The following USP5 variants were observed in gnomAD, a reference collection of about 807,000 sequenced individuals.
USP5 encodes the protein ubiquitin specific peptidase 5.
In USP5, 24 loss-of-function variants were observed where a neutral mutation model predicts 102.5. The observed-to-expected ratio is 0.23, with a 90% confidence interval of 0.17 to 0.33. USP5 has a LOEUF of 0.33. Ranked by LOEUF, USP5 falls within the 10% of genes least tolerant of loss-of-function variation. USP5 has a pLI of 1.00. For synonymous variants in USP5, 460 were observed against 434.8 expected, an observed-to-expected ratio of 1.06 and a Z score of -0.72; for missense variants, 753 against 1,122.1, an observed-to-expected ratio of 0.67 and a Z score of 4.70.
In USP5 at chr12:6,860,630, C is replaced by T. The variant is rs2138057490; in HGVS notation, c.1344+139C>T. 1.4e-6 allele frequency: 2 copies of T among 1,431,704 alleles called. No individual in the cohort carries two copies. Among genetic ancestry groups the T allele is most frequent in the East Asian group, 2.3e-5 (1 of 43,014 alleles). The allele number at this position is 1,431,704 out of a possible 1,614,324, so 88.7% of individuals were successfully genotyped here. On this transcript the variant is annotated intron_variant, in intron 11 of 19. Coordinates refer to ENST00000229268, the MANE Select transcript of USP5 (RefSeq NM_001098536.2). The surrounding 1 kb of genome is among the most constrained non-coding windows in gnomAD (Gnocchi z 5.5). ...TCTGTGTCCCTGTGAACAGTGCTTG[C>T]ACCTGAGGAGGACAGTGAAGGTGAT... is the stretch of plus-strand genomic sequence containing the variant.
intron 7 of USP5, among the ~76,000 whole-genome samples, chr12:6,857,937 G>A (rs1944168369): frequency 1.3e-5 from 2 of 152,176 alleles, no homozygotes; most frequent in African/African-American, 2.4e-5. Context: ...AGACAGATGT[G>A]GTTTTTGCTT....
rs1256756399 is a variant in USP5, at chr12:6,856,028, G to A, written c.316G>A (p.Gly106Arg). ...PTRLAIGVEGGFDLSEEKFEL... is the reference protein window; with the variant it reads ...PTRLAIGVEGRFDLSEEKFEL... ...CCCTATCCTTCCAGGTGTTGAAGGC[G>A]GATTTGACCTTAGCGAGGAGAAGTT... Residue 106 changes from glycine to arginine, a missense_variant, in exon 4 of 20, where the codon GGA (glycine) becomes AGA (arginine). Physicochemically the swap from Gly to Arg is moderately radical, Grantham distance 125 (BLOSUM62 -2). Transcript: ENST00000229268. The surrounding 1 kb of genome is among the most constrained non-coding windows in gnomAD (Gnocchi z 5.6). 4 of 1,614,036 alleles carry A rather than the reference G, an allele frequency of 2.5e-6. No homozygotes were observed. The highest frequency in any genetic ancestry group is 3.4e-6 in the Non-Finnish European group (4 of 1,180,038).
rs915363167 is a variant in USP5 at position 6,855,370 on chromosome 12, C to T, written c.112-31C>T. 1.9e-6 allele frequency: 3 copies of T among 1,610,840 alleles called. No individual in the cohort carries two copies. The highest frequency in any genetic ancestry group is 2.5e-6 in the Non-Finnish European group (3 of 1,178,858). On this transcript the variant is annotated intron_variant, in intron 1 of 19. Transcript: ENST00000229268. The surrounding 1 kb of genome is among the most constrained non-coding windows in gnomAD (Gnocchi z 4.6). ...ACCTGACCAGGCTTCATAACATCCT[C>T]GTGTTTTCACCCTTACCTCTTGTCC... is the stretch of plus-strand genomic sequence containing the variant.
chr12:6,865,145 C>T lies in USP5; in HGVS notation c.2399-19C>T, dbSNP rs782056306. The T allele has an allele frequency of 5.6e-6, 9 of 1,597,418 alleles. No individual in the cohort carries two copies. The South Asian group carries it at 9.9e-5, about 18-fold the overall frequency. ...TTCCTCTTCTGTTTCCTTCTCTGAC[C>T]CCCTCTCTCCTTTCCTAGAGTATCA... On this transcript the variant is annotated intron_variant, in intron 18 of 19. Transcript: ENST00000229268.
rs1199146900 is a variant in USP5 at position 6,866,259 on chromosome 12, T to C, written c.*182T>C. On this transcript the variant is annotated 3_prime_UTR_variant, in exon 20 of 20. Transcript: ENST00000229268. This position sits in a 1 kb window ranked among gnomAD's most constrained non-coding sequence, Gnocchi z 4.7. ...GCAGAGCAGAGGGGCAGCGATAGACTCTGGGGATGGAGCAGGACGGGGACG... is the reference window on the plus strand; with the variant it reads ...GCAGAGCAGAGGGGCAGCGATAGACCCTGGGGATGGAGCAGGACGGGGACG... 1 of 608,192 alleles carries C rather than the reference T, an allele frequency of 1.6e-6. No individual in the cohort carries two copies. Among genetic ancestry groups the C allele is most frequent in the Non-Finnish European group, 2.9e-6 (1 of 345,508 alleles). The allele number at this position is 608,192 out of a possible 1,614,324, so 37.7% of individuals were successfully genotyped here. A position where few individuals can be genotyped will look rare whatever the true frequency, so the allele number is the denominator to read the frequency against.
At chr12:6,854,811 C>T (rs919563730) in intron 1 of USP5, among the ~76,000 whole-genome samples, 1 of 151,652 alleles carries the variant, frequency 6.6e-6, no homozygotes, top group Non-Finnish European at 1.5e-5. Context: ...CTGGCACACT[C>T]GGGTCAGATA....
rs1944099767 is a variant in USP5, at chr12:6,856,004, C to T, written c.305-13C>T. On this transcript the variant is annotated splice_polypyrimidine_tract_variant and intron_variant, in intron 3 of 19. Coordinates refer to ENST00000229268, the MANE Select transcript of USP5 (RefSeq NM_001098536.2). The surrounding 1 kb of genome is among the most constrained non-coding windows in gnomAD (Gnocchi z 5.6). ...CATTGCTCTACTCTCCCTCTTCTTC[C>T]CTATCCTTCCAGGTGTTGAAGGCGG... 1 of 1,614,014 alleles carries T rather than the reference C, an allele frequency of 6.2e-7. No homozygotes were observed. Among genetic ancestry groups the T allele is most frequent in the African/African-American group, 1.3e-5 (1 of 74,932 alleles).
chr12:6,855,666 GA>G lies in USP5; in HGVS notation c.238-88del. ...GTTTTTTAGCTTTATTCCGTTCTGA[GA>G]TGAAGCACTACCTCCTTCCGTCCCT... On this transcript the variant is annotated intron_variant, in intron 2 of 19. Coordinates refer to ENST00000229268, the MANE Select transcript of USP5 (RefSeq NM_001098536.2). The surrounding 1 kb of genome is among the most constrained non-coding windows in gnomAD (Gnocchi z 4.6). 3.1e-6 allele frequency: 5 copies of G among 1,597,354 alleles called. No homozygotes were observed. In the East Asian group the frequency reaches 1.1e-4, roughly 36 times the overall value.
Position 6,856,198 on chromosome 12 carries a change from A to G in USP5, c.438+48A>G, listed in dbSNP as rs782182525. 2 of 1,611,844 alleles carry G rather than the reference A, an allele frequency of 1.2e-6. No homozygotes were observed. The highest frequency in any genetic ancestry group is 1.7e-6 in the Non-Finnish European group (2 of 1,178,450). The stretch of plus-strand genomic sequence containing the variant: ...CCAAGATTCTAGAGCAAGATGGGCC[A>G]GGGTAGTGGTGTCTTAGGCAAGCAC... On this transcript the variant is annotated intron_variant, in intron 4 of 19. Transcript: ENST00000229268. This position sits in a 1 kb window ranked among gnomAD's most constrained non-coding sequence, Gnocchi z 5.6.
At chr12:6,865,126 T>C (rs1555130518) in intron 18 of USP5, 38 bp from the exon 19 acceptor site, 3 of 1,558,504 alleles carry the variant, frequency 1.9e-6, no homozygotes, top group Non-Finnish European at 8.8e-7. Context: ...AGCATTCCTC[T>C]TCTGTTTCCT....
At chr12:6,862,750 T>C (rs1353981448) in intron 14 of USP5, among the ~76,000 whole-genome samples, 192 bp downstream of exon 14, 1 of 152,244 alleles carries the variant, frequency 6.6e-6, no homozygotes, top group South Asian at 2.1e-4. Context: ...GTTATAGGTA[T>C]GATTTACAAC....
Position 6,855,778 on chromosome 12 carries a change from C to T in USP5, c.261C>T (p.Gly87=), listed in dbSNP as rs145733981. 350 of 1,614,216 alleles carry T rather than the reference C, an allele frequency of 2.2e-4. 2 individuals are homozygous for T. The African/African-American group carries it at 3.4e-3, about 16-fold the overall frequency. The change falls in exon 3 of 20, where the codon GGC becomes GGT. Residue 87 remains glycine (G), a synonymous_variant. Transcript: ENST00000229268. This position sits in a 1 kb window ranked among gnomAD's most constrained non-coding sequence, Gnocchi z 4.6. ...RRPKEEDPAT[G]TGDPPRKKPT... ...AGAAAGAGGAGGACCCTGCTACAGG[C>T]ACTGGAGACCCACCCCGGAAGAAGC...
chr12:6,859,657 T>G, intron 9 of USP5, 116 bp downstream of exon 9: 1 of 1,073,830 alleles, frequency 9.3e-7, no homozygotes, highest in Non-Finnish European at 1.4e-6. Flanking sequence ...TTTGTTTTGT[T>G]TTGTTTTGTT....
chr12:6,860,662 T>A lies in USP5; in HGVS notation c.1344+171T>A, dbSNP rs1391925250. 6.6e-6 allele frequency among the ~76,000 whole-genome samples: 1 copy of A among 152,192 alleles called. No individual in the cohort carries two copies. Among genetic ancestry groups the A allele is most frequent in the Non-Finnish European group, 1.5e-5 (1 of 68,040 alleles). ...GGAGGACAGTGAAGGTGATGATCCC[T>A]ACCCTTGATGGGCTTGAAGCCCAAT... On this transcript the variant is annotated intron_variant, in intron 11 of 19. Transcript: ENST00000229268. The surrounding 1 kb of genome is among the most constrained non-coding windows in gnomAD (Gnocchi z 5.5).
At chr12:6,852,722 G>C (rs147157708) in intron 1 of USP5, among the ~76,000 whole-genome samples, 36 of 152,326 alleles carry the variant, frequency 2.4e-4, no homozygotes, top group Admixed American at 5.2e-4. Flanking sequence ...GTTGGAGTTG[G>C]GGGGTGGGGA....
Position 6,856,453 on chromosome 12 carries a change from G to A in USP5, c.584+3G>A, listed in dbSNP as rs1555128324. 7 of 1,607,426 alleles carry A rather than the reference G, an allele frequency of 4.4e-6. No individual in the cohort carries two copies. In the East Asian group the frequency reaches 6.7e-5, roughly 15 times the overall value. The stretch of plus-strand genomic sequence containing the variant: ...AACCCTGCTCGAATCCCTCCCTGGT[G>A]AGGCCTGGCCCCTCTGCCTCGGGCA... On this transcript the variant is annotated splice_donor_region_variant and intron_variant, in intron 5 of 19. Transcript: ENST00000229268. The surrounding 1 kb of genome is among the most constrained non-coding windows in gnomAD (Gnocchi z 5.6).
At chr12:6,852,374 T>G in intron 1 of USP5, 84 bp downstream of exon 1, 2 of 1,370,086 alleles carry the variant, frequency 1.5e-6, no homozygotes, top group Non-Finnish European at 1.0e-6. Flanking sequence ...AGGCTTGGGC[T>G]ACCGCCTCCC....
chr12:6,852,277 CCTT>C lies in USP5; in HGVS notation c.100_102del (p.Phe34del). The C allele has an allele frequency of 6.2e-7, 1 of 1,610,600 alleles. No homozygotes were observed. The highest frequency in any genetic ancestry group is 8.5e-7 in the Non-Finnish European group (1 of 1,178,634). On this transcript the variant is annotated inframe_deletion, in exon 1 of 20. Transcript: ENST00000229268. ...GTCCACAAAGACGAGTGCGCCTTCT[CCTT>C]CGACACGCCGGTAAGCCCATTCCCC... is the stretch of plus-strand genomic sequence containing the variant.
chr12:6,856,007 A>G lies in USP5; in HGVS notation c.305-10A>G, dbSNP rs1256225010. On this transcript the variant is annotated splice_polypyrimidine_tract_variant and intron_variant, in intron 3 of 19. Coordinates refer to ENST00000229268, the MANE Select transcript of USP5 (RefSeq NM_001098536.2). The surrounding 1 kb of genome is among the most constrained non-coding windows in gnomAD (Gnocchi z 5.6). ...TGCTCTACTCTCCCTCTTCTTCCCTATCCTTCCAGGTGTTGAAGGCGGATT... is the reference window on the plus strand; with the variant it reads ...TGCTCTACTCTCCCTCTTCTTCCCTGTCCTTCCAGGTGTTGAAGGCGGATT... 3 of 1,614,072 alleles carry G rather than the reference A, an allele frequency of 1.9e-6. No homozygotes were observed. Among genetic ancestry groups the G allele is most frequent in the South Asian group, 1.1e-5 (1 of 91,078 alleles).
Sources: gnomAD v4.1 joint callset for allele counts (sites outside exome capture counted in the v4.1 genomes callset) on GRCh38, gnomAD v4.1.1 for gene constraint, Gnocchi (gnomAD v3.1) non-coding constraint, MANE v1.5 for transcripts, NCBI Gene and HGNC (gene_info 2026-07-23, HGNC 2026-07-21) for gene names.